Variants in TSPAN15 observed in about 807,000 individuals in gnomAD.
TSPAN15 encodes the protein tetraspanin 15, also known as tetraspanin-15.
In TSPAN15, 20 loss-of-function variants were observed where a neutral mutation model predicts 34.5. The ratio of observed to expected loss-of-function variants is 0.58; its 90% CI spans 0.41 to 0.84. The LOEUF (loss-of-function observed/expected upper bound fraction) is 0.84, where lower values mean the gene tolerates loss of function less well. Among genes scored for constraint, TSPAN15 ranks in the 40% least tolerant of loss-of-function variants. The pLI is 0.00. For synonymous variants in TSPAN15, 155 were observed against 153.9 expected (o/e 1.01, Z -0.05); for missense variants, 313 against 386.1 (o/e 0.81, Z 1.59).
chr10:69,495,521 G>A (rs1419458524), intron 3 of TSPAN15, 73 bp from the exon 4 acceptor site: 22 of 1,131,534 alleles, frequency 1.9e-5, no homozygotes, highest in Non-Finnish European at 2.8e-5. Flanking sequence ...ACCCATCCAG[G>A]CTTCTGGAAA....
intron 1 of TSPAN15, among the ~76,000 whole-genome samples, chr10:69,467,975 G>A (rs548207234): frequency 1.3e-5 from 2 of 152,144 alleles, no homozygotes; most frequent in Admixed American, 6.6e-5. Context: ...GGGGACTGTC[G>A]TGTGTTACTT....
intron 1 of TSPAN15, among the ~76,000 whole-genome samples, chr10:69,467,845 C>A (rs1841421292): frequency 6.6e-6 from 1 of 151,800 alleles, no homozygotes; most frequent in Admixed American, 6.6e-5. Flanking sequence ...AAAATCAGGA[C>A]CCAGCATCAC....
chr10:69,542,712 T>C, the TSPAN15 span, among the ~76,000 whole-genome samples: 1 of 152,186 alleles, frequency 6.6e-6, no homozygotes, highest in African/African-American at 2.4e-5. Flanking sequence ...TCATGAGAAT[T>C]CACTCACTAT....
At position 69,507,338 on chromosome 10, in the gene TSPAN15, G is replaced by T; in HGVS notation, c.*360G>T. The T allele has an allele frequency of 3.3e-6, 4 of 1,216,400 alleles. No individual in the cohort carries two copies. The highest frequency in any genetic ancestry group is 3.1e-6 in the Non-Finnish European group (3 of 961,636). 75.4% of individuals were successfully genotyped at this position (1,216,400 alleles called of 1,614,324 possible). The stretch of plus-strand genomic sequence containing the variant: ...CGGTGGTATTCAAGGCAGTTTTGTA[G>T]CACCTGTAATTGGGGAGAGGGAGTG... On this transcript the variant is annotated 3_prime_UTR_variant, in exon 8 of 8. Coordinates refer to ENST00000373290, the MANE Select transcript of TSPAN15 (RefSeq NM_012339.5).
intron 1 of TSPAN15, among the ~76,000 whole-genome samples, chr10:69,470,558 T>C (rs1841482987): frequency 6.6e-6 from 1 of 151,968 alleles, no homozygotes; most frequent in Non-Finnish European, 1.5e-5. Context: ...GACCAGCCCC[T>C]CCCACCTGCA....
At chr10:69,469,301 C>T (rs1410209632) in intron 1 of TSPAN15, among the ~76,000 whole-genome samples, 1 of 152,198 alleles carries the variant, frequency 6.6e-6, no homozygotes, top group Non-Finnish European at 1.5e-5. Context: ...GAGTTGTATT[C>T]TTTGTAATAC....
the TSPAN15 span, among the ~76,000 whole-genome samples, chr10:69,534,017 C>T: frequency 6.6e-6 from 1 of 152,186 alleles, no homozygotes. Context: ...CCACACAATA[C>T]TCTAGGAAAA....
the TSPAN15 span, among the ~76,000 whole-genome samples, chr10:69,531,670 A>C: frequency 6.6e-6 from 1 of 152,190 alleles, no homozygotes. Context: ...ATATTACTAC[A>C]AACAAAAAAA....
intron 3 of TSPAN15, among the ~76,000 whole-genome samples, chr10:69,489,421 T>A (rs1363972505): frequency 2.6e-5 from 4 of 152,188 alleles, no homozygotes; most frequent in African/African-American, 4.8e-5. Context: ...CATCCCCAGC[T>A]TACGAAGATA....
At chr10:69,481,166 G>A (rs187778491) in intron 1 of TSPAN15, among the ~76,000 whole-genome samples, 13 of 152,240 alleles carry the variant, frequency 8.5e-5, no homozygotes, top group African/African-American at 2.9e-4. Flanking sequence ...ATTTTTCATG[G>A]TCTTCATTTT....
intron 3 of TSPAN15, 137 bp downstream of exon 3, chr10:69,485,352 G>A (rs1325012672): frequency 3.8e-6 from 3 of 783,108 alleles, no homozygotes; most frequent in African/African-American, 1.7e-5. Context: ...GAGAATGACA[G>A]GCACTGAACA....
chr10:69,498,671 G>A (rs367672860), intron 5 of TSPAN15, among the ~76,000 whole-genome samples: 2 of 152,122 alleles, frequency 1.3e-5, no homozygotes, highest in East Asian at 3.9e-4. Context: ...GCACTTTGGT[G>A]GTATTTACTC....
At chr10:69,511,593 G>A (rs1388022304), downstream of TSPAN15, among the ~76,000 whole-genome samples, 1 of 152,020 alleles carries the variant, frequency 6.6e-6, no homozygotes, top group Non-Finnish European at 1.5e-5. Flanking sequence ...TCTGATCTTA[G>A]TTATTTCTTG....
chr10:69,483,696 T>G lies in TSPAN15; in HGVS notation c.102T>G (p.Ile34Met), dbSNP rs143114858. ...CCTCTGTTTTCTTGCTGCAGCTGAT[T>G]GGGGCCCTGGTCCTGTCTGTGGGCA... ...LIIYSTVFWL[I>M]GALVLSVGIY... Residue 34 changes from isoleucine to methionine, a missense_variant, in exon 2 of 8, where the codon ATT (isoleucine) becomes ATG (methionine). By Grantham distance (10) the Ile-to-Met change is conservative. Transcript: ENST00000373290. 1.2e-4 allele frequency: 200 copies of G among 1,613,152 alleles called. No individual in the cohort carries two copies. In the Middle Eastern group the frequency reaches 4.4e-3, roughly 36 times the overall value.
intron 5 of TSPAN15, among the ~76,000 whole-genome samples, chr10:69,499,870 C>T (rs370180895): frequency 1.6e-4 from 25 of 152,090 alleles, no homozygotes; most frequent in African/African-American, 6.0e-4. Flanking sequence ...CACCCCAGGG[C>T]GTTTGAGAAA....
the TSPAN15 span, among the ~76,000 whole-genome samples, chr10:69,541,173 G>T: frequency 2.0e-5 from 3 of 152,136 alleles, no homozygotes; most frequent in African/African-American, 7.2e-5. Flanking sequence ...GACCATGAGT[G>T]ATCACTGGGG....
At chr10:69,483,654 C>T (rs774294628) in intron 1 of TSPAN15, 37 bp from the exon 2 acceptor site, 4 of 1,593,316 alleles carry the variant, frequency 2.5e-6, no homozygotes, top group African/African-American at 2.7e-5. Flanking sequence ...ATCAAGTGAC[C>T]TCAGTCTCTC....
the TSPAN15 span, among the ~76,000 whole-genome samples, chr10:69,524,241 G>T: frequency 0.058 from 8,576 of 147,114 alleles, 943 homozygotes; most frequent in Non-Finnish European, 0.083. Flanking sequence ...GGCCGAGGTG[G>T]GTGGATCACT....
the TSPAN15 span, among the ~76,000 whole-genome samples, chr10:69,527,185 A>C: frequency 6.7e-6 from 1 of 148,196 alleles, no homozygotes; most frequent in Non-Finnish European, 1.5e-5. Flanking sequence ...GCACTGGATG[A>C]ACCTTTAAAA....
Sources: allele counts gnomAD v4.1 joint callset (sites outside exome capture counted in the v4.1 genomes callset), GRCh38; gene constraint gnomAD v4.1.1; transcripts MANE v1.5; gene names NCBI Gene and HGNC (gene_info 2026-07-23, HGNC 2026-07-21).